The following PRKN variants were observed in gnomAD, a reference collection of about 807,000 sequenced individuals.
PRKN encodes the protein E3 ubiquitin-protein ligase parkin.
A neutral mutation model predicts 59.5 loss-of-function variants in PRKN; 56 were observed. That is an observed-to-expected ratio of 0.94 (90% CI 0.76 to 1.18). The LOEUF is 1.18. Ranked by LOEUF, PRKN falls within the 50% of genes most tolerant of loss-of-function variation. The pLI is 0.00. For missense variants in PRKN, 657 were observed against 596.4 expected, an observed-to-expected ratio of 1.10 and a Z score of -1.06; for synonymous variants, 250 against 222.1, an observed-to-expected ratio of 1.13 and a Z score of -1.12.
intron 6 of PRKN, among the ~76,000 whole-genome samples, chr6:161,852,079 T>C (rs1378218209): frequency 8.2e-6 from 1 of 121,588 alleles, no homozygotes; most frequent in South Asian, 3.1e-4. Context: ...AGAGCAGGAC[T>C]CCGTCTCAAA....
chr6:162,097,588 A>G (rs915418198), intron 4 of PRKN, among the ~76,000 whole-genome samples: 1 of 152,076 alleles, frequency 6.6e-6, no homozygotes, highest in Non-Finnish European at 1.5e-5. Flanking sequence ...TAGGCTAACC[A>G]TTTCACTTCT....
intron 5 of PRKN, among the ~76,000 whole-genome samples, chr6:162,044,215 T>A (rs1308621712): frequency 6.6e-6 from 1 of 152,234 alleles, no homozygotes; most frequent in Non-Finnish European, 1.5e-5. Context: ...ACTTCGCAAC[T>A]GCTGTCTCAG....
intron 5 of PRKN, among the ~76,000 whole-genome samples, chr6:161,977,229 G>A (rs1375740578): frequency 6.6e-6 from 1 of 152,138 alleles, no homozygotes; most frequent in Non-Finnish European, 1.5e-5. Flanking sequence ...AGAGACTCCT[G>A]GATCAGAGAC....
chr6:162,018,717 A>G (rs1357014536), intron 5 of PRKN, among the ~76,000 whole-genome samples: 1 of 152,138 alleles, frequency 6.6e-6, no homozygotes, highest in Non-Finnish European at 1.5e-5. Flanking sequence ...TATACTTAGG[A>G]TGCTTTTTTG....
At chr6:162,148,614 A>T (rs1782129728) in intron 4 of PRKN, among the ~76,000 whole-genome samples, 1 of 151,984 alleles carries the variant, frequency 6.6e-6, no homozygotes, top group African/African-American at 2.4e-5. Context: ...ACAAACAAAC[A>T]AACAGTGACC....
At chr6:162,237,721 G>A (rs952117788) in intron 3 of PRKN, among the ~76,000 whole-genome samples, 1 of 151,934 alleles carries the variant, frequency 6.6e-6, no homozygotes. Context: ...GTGGGTTTAG[G>A]GTGCTTTGTT....
chr6:162,370,902 T>C (rs1448898949), intron 2 of PRKN, among the ~76,000 whole-genome samples: 1 of 152,166 alleles, frequency 6.6e-6, no homozygotes, highest in Admixed American at 6.6e-5. Flanking sequence ...ACGGGCATCA[T>C]TGAACAAATG....
At chr6:162,418,265 A>C in intron 2 of PRKN, among the ~76,000 whole-genome samples, 1 of 152,346 alleles carries the variant, frequency 6.6e-6, no homozygotes, top group African/African-American at 2.4e-5. Context: ...AAAGATATAT[A>C]TTGTGTAATT....
At chr6:161,943,653 C>A (rs1779648304) in intron 6 of PRKN, among the ~76,000 whole-genome samples, 1 of 151,140 alleles carries the variant, frequency 6.6e-6, no homozygotes, top group South Asian at 2.1e-4. Flanking sequence ...CCTGAGGGAT[C>A]AGCCTTGAGG....
intron 7 of PRKN, among the ~76,000 whole-genome samples, chr6:161,730,861 G>C (rs1562639306): frequency 6.6e-6 from 1 of 151,092 alleles, no homozygotes; most frequent in Admixed American, 6.6e-5. Context: ...GCATTCTGAA[G>C]TGTTGCATTC....
chr6:162,489,293 T>C (rs982821170), intron 1 of PRKN, among the ~76,000 whole-genome samples: 4 of 152,150 alleles, frequency 2.6e-5, no homozygotes, highest in Non-Finnish European at 5.9e-5. Context: ...CTGGCCCTCC[T>C]CCAAAGCGAC....
chr6:162,006,111 T>C (rs916065021), intron 5 of PRKN, among the ~76,000 whole-genome samples: 3 of 152,148 alleles, frequency 2.0e-5, no homozygotes, highest in Non-Finnish European at 4.4e-5. Flanking sequence ...AAAATGAAGT[T>C]ATATATGTGT....
chr6:162,234,763 A>G (rs1778575416), intron 3 of PRKN, among the ~76,000 whole-genome samples: 1 of 152,230 alleles, frequency 6.6e-6, no homozygotes, highest in Non-Finnish European at 1.5e-5. Flanking sequence ...CCAAGAATAG[A>G]GGGCAGACTG....
intron 4 of PRKN, among the ~76,000 whole-genome samples, chr6:162,109,295 G>A (rs1324815637): frequency 1.3e-5 from 2 of 152,140 alleles, no homozygotes; most frequent in Non-Finnish European, 2.9e-5. Flanking sequence ...AAAGAAAGTC[G>A]CAAAGTTGGA....
At position 162,150,136 on chromosome 6, in the gene PRKN, C is replaced by T. The variant is rs763583745; in HGVS notation, c.534+50995G>A. Among the ~76,000 whole-genome samples, 23 of 152,254 alleles carry T rather than the reference C, an allele frequency of 1.5e-4. 1 individual carries two copies. Among genetic ancestry groups the T allele is most frequent in the Middle Eastern group, 3.4e-3 (1 of 294 alleles). On this transcript the variant is annotated intron_variant, in intron 4 of 11. Coordinates refer to ENST00000366898, the MANE Select transcript of PRKN (RefSeq NM_004562.3). ...CAATACCAAACACATCCACTACCATCGCCGTGTCTTTTTAAGAAAATAAAT... is the reference window on the plus strand; with the variant it reads ...CAATACCAAACACATCCACTACCATTGCCGTGTCTTTTTAAGAAAATAAAT...
intron 2 of PRKN, among the ~76,000 whole-genome samples, chr6:162,338,398 T>C (rs989917994): frequency 2.0e-5 from 3 of 151,756 alleles, no homozygotes; most frequent in South Asian, 2.1e-4. Flanking sequence ...GAGTGCCTGC[T>C]ACTGCAGGCA....
At chr6:162,449,226 A>G (rs1246126163) in intron 1 of PRKN, among the ~76,000 whole-genome samples, 5 of 152,180 alleles carry the variant, frequency 3.3e-5, no homozygotes, top group African/African-American at 1.2e-4. Flanking sequence ...CTAGCATTTG[A>G]TATCTACACG....
chr6:161,760,410 C>CT (rs1459773278), intron 7 of PRKN, among the ~76,000 whole-genome samples: 2 of 151,190 alleles, frequency 1.3e-5, no homozygotes, highest in African/African-American at 2.4e-5. Context: ...GGAAAAGACC[C>CT]TTTTTTTCAA....
chr6:162,011,805 C>A (rs535477486), intron 5 of PRKN, among the ~76,000 whole-genome samples: 1 of 151,504 alleles, frequency 6.6e-6, no homozygotes, highest in Non-Finnish European at 1.5e-5. Flanking sequence ...ACTGAAAGTG[C>A]ATAAACCTTT....
Sources: gnomAD v4.1 joint callset for allele counts (sites outside exome capture counted in the v4.1 genomes callset) on GRCh38, gnomAD v4.1.1 for gene constraint, MANE v1.5 for transcripts, NCBI Gene and HGNC (gene_info 2026-07-23, HGNC 2026-07-21) for gene names.